IGSF21: variants seen among roughly 807,000 people sequenced by gnomAD.
IGSF21 encodes the protein immunoglobulin superfamily member 21.
A neutral mutation model predicts 46.8 loss-of-function variants in IGSF21; 28 were observed. The ratio of observed to expected loss-of-function variants is 0.60; its 90% CI spans 0.44 to 0.82. The LOEUF (loss-of-function observed/expected upper bound fraction) is 0.82. IGSF21 is among the 40% of genes least tolerant of loss of function. The probability of loss-of-function intolerance (pLI) is 0.00; values close to 1 mark genes in which losing one functional copy is unlikely to be tolerated. For synonymous variants in IGSF21, 284 were observed against 273.6 expected (o/e 1.04, Z -0.38); for missense variants, 624 against 665.5 (o/e 0.94, Z 0.69).
Position 18,337,658 on chromosome 1 carries a change from C to A in IGSF21, c.424+2648C>A, listed in dbSNP as rs1382950601. Among the ~76,000 whole-genome samples the A allele has an allele frequency of 6.6e-6, 1 of 152,090 alleles. No individual in the cohort carries two copies. The highest frequency in any genetic ancestry group is 1.5e-5 in the Non-Finnish European group (1 of 68,030). On this transcript the variant is annotated intron_variant, in intron 4 of 9. Coordinates refer to ENST00000251296, the MANE Select transcript of IGSF21 (RefSeq NM_032880.5). This position sits in a 1 kb window ranked among gnomAD's most constrained non-coding sequence, Gnocchi z 5.7. ...TCTCTCCTTACTCACCTTCTCTGGG[C>A]TTCTTCCCCAAAGGTCTGCGTGTCC...
chr1:18,200,539 G>A (rs2087062084), intron 1 of IGSF21, among the ~76,000 whole-genome samples: 1 of 152,088 alleles, frequency 6.6e-6, no homozygotes, highest in South Asian at 2.1e-4. Flanking sequence ...CATCCCTCCG[G>A]TCTCTGCCTC....
intron 1 of IGSF21, among the ~76,000 whole-genome samples, chr1:18,185,042 G>A (rs1247622941): frequency 6.6e-6 from 1 of 152,202 alleles, no homozygotes; most frequent in Non-Finnish European, 1.5e-5. Context: ...ATTTGGTCTT[G>A]ATGAATGTTG....
intron 4 of IGSF21, among the ~76,000 whole-genome samples, chr1:18,357,350 TG>T (rs1238497718): frequency 5.4e-5 from 7 of 128,696 alleles, no homozygotes; most frequent in Non-Finnish European, 1.1e-4. Context: ...AAGATGGAGA[TG>T]GGGATGGGGA....
intron 6 of IGSF21, among the ~76,000 whole-genome samples, chr1:18,368,724 G>A (rs541532354): frequency 6.6e-6 from 1 of 152,042 alleles, no homozygotes; most frequent in South Asian, 2.1e-4. Context: ...CCTTTACCTG[G>A]TTGCTTCATT....
At chr1:18,227,295 A>C (rs61762152) in intron 1 of IGSF21, among the ~76,000 whole-genome samples, 15,427 of 151,994 alleles carry the variant, frequency 0.1, 1,006 homozygotes, top group Non-Finnish European at 0.14. Flanking sequence ...TCATTTGTTT[A>C]TGAGGTTGGA....
chr1:18,365,496 C>A lies in IGSF21; in HGVS notation c.814C>A (p.Arg272Ser). Reference sequence around the variant, plus strand: ...GAACATACCAGAGACGGTCGTGAGCCGTGAGTTTCCCCGCTGGGTCCACAG... The same window carrying A: ...GAACATACCAGAGACGGTCGTGAGCAGTGAGTTTCCCCGCTGGGTCCACAG... ...TENIPETVVS[R>S]EFPRWVHSAE... The change falls in exon 6 of 10, where the codon CGT becomes AGT. Residue 272 changes from arginine to serine, a missense_variant. By Grantham distance (110) the Arg-to-Ser change is moderately radical. Transcript: ENST00000251296. This position sits in a 1 kb window ranked among gnomAD's most constrained non-coding sequence, Gnocchi z 4.8. 1 of 1,614,092 alleles carries A rather than the reference C, an allele frequency of 6.2e-7. No homozygotes were observed. The highest frequency in any genetic ancestry group is 1.1e-5 in the South Asian group (1 of 91,062).
intron 2 of IGSF21, among the ~76,000 whole-genome samples, chr1:18,240,360 G>A (rs1462092265): frequency 1.3e-5 from 2 of 152,224 alleles, no homozygotes; most frequent in African/African-American, 4.8e-5. Flanking sequence ...AGTTAAGCGG[G>A]AGGAAACAGG....
Position 18,365,054 on chromosome 1 carries a change from C to T in IGSF21, c.541-169C>T, listed in dbSNP as rs1341070671. Among the ~76,000 whole-genome samples the T allele has an allele frequency of 6.6e-6, 1 of 152,176 alleles. No individual in the cohort carries two copies. Among genetic ancestry groups the T allele is most frequent in the Non-Finnish European group, 1.5e-5 (1 of 68,038 alleles). ...ATGTGTTCCCATTGTACCACACTGG[C>T]TCATAGTTCTTGGGGGTGTTGAAGG... On this transcript the variant is annotated intron_variant, in intron 5 of 9. Coordinates refer to ENST00000251296, the MANE Select transcript of IGSF21 (RefSeq NM_032880.5). This position sits in a 1 kb window ranked among gnomAD's most constrained non-coding sequence, Gnocchi z 4.8.
chr1:18,242,021 G>A (rs1461229104), intron 2 of IGSF21, among the ~76,000 whole-genome samples: 1 of 152,168 alleles, frequency 6.6e-6, no homozygotes, highest in Non-Finnish European at 1.5e-5. Flanking sequence ...GGGGGCAGAG[G>A]AGCTTCTGGA....
chr1:18,299,738 A>C (rs915229171), intron 3 of IGSF21, among the ~76,000 whole-genome samples: 3 of 152,188 alleles, frequency 2.0e-5, no homozygotes, highest in African/African-American at 7.2e-5. Flanking sequence ...CAGGAGTGTG[A>C]ATGAGAGAGA....
chr1:18,375,278 G>A (rs966127100), intron 6 of IGSF21, among the ~76,000 whole-genome samples: 2 of 152,192 alleles, frequency 1.3e-5, no homozygotes, highest in Non-Finnish European at 2.9e-5. Flanking sequence ...GCTCCAAATG[G>A]CTGGCTCCAT....
chr1:18,297,583 C>G (rs1188788806), intron 3 of IGSF21, among the ~76,000 whole-genome samples: 1 of 151,924 alleles, frequency 6.6e-6, no homozygotes, highest in Non-Finnish European at 1.5e-5. Flanking sequence ...TACAACTGTC[C>G]CTCAGGATCC....
chr1:18,201,280 A>G (rs1347198155), intron 1 of IGSF21, among the ~76,000 whole-genome samples: 1 of 152,152 alleles, frequency 6.6e-6, no homozygotes, highest in African/African-American at 2.4e-5. Flanking sequence ...AGCCGGGCTG[A>G]CACTCAGAAT....
At chr1:18,196,933 A>G (rs1017975233) in intron 1 of IGSF21, among the ~76,000 whole-genome samples, 5 of 152,152 alleles carry the variant, frequency 3.3e-5, no homozygotes, top group African/African-American at 1.2e-4. Flanking sequence ...AGATGAGTGA[A>G]GGAAGACGGA....
chr1:18,172,605 C>T (rs2086749268), intron 1 of IGSF21, among the ~76,000 whole-genome samples: 1 of 152,204 alleles, frequency 6.6e-6, no homozygotes, highest in African/African-American at 2.4e-5. Context: ...GAATCTTATC[C>T]TCTTCTTACA....
At chr1:18,179,226 G>T (rs886199227) in intron 1 of IGSF21, 47 of 152,258 alleles carry the variant, frequency 3.1e-4, no homozygotes, top group African/African-American at 9.4e-4. Context: ...CATCCAAGCA[G>T]CTCACGGCAA....
At chr1:18,214,061 T>C (rs1219790804) in intron 1 of IGSF21, among the ~76,000 whole-genome samples, 1 of 152,182 alleles carries the variant, frequency 6.6e-6, no homozygotes, top group African/African-American at 2.4e-5. Flanking sequence ...GTCTTATTAA[T>C]AGTATAAGCA....
intron 1 of IGSF21, among the ~76,000 whole-genome samples, chr1:18,164,730 T>A (rs1274720200): frequency 1.3e-5 from 2 of 150,840 alleles, no homozygotes; most frequent in East Asian, 1.9e-4. Context: ...ATTTTTTCTT[T>A]TATATATATA....
At chr1:18,215,724 G>A (rs1348786374) in intron 1 of IGSF21, among the ~76,000 whole-genome samples, 1 of 152,154 alleles carries the variant, frequency 6.6e-6, no homozygotes, top group African/African-American at 2.4e-5. Context: ...AGCAGAGCAG[G>A]AGGAAGACCC....
Sources: allele counts gnomAD v4.1 joint callset (sites outside exome capture counted in the v4.1 genomes callset), GRCh38; gene constraint gnomAD v4.1.1; non-coding constraint Gnocchi (gnomAD v3.1); transcripts MANE v1.5; gene names NCBI Gene and HGNC (gene_info 2026-07-23, HGNC 2026-07-21).